Variants in ITGA8 observed in about 807,000 individuals in gnomAD.
ITGA8 encodes integrin alpha-8.
Under a neutral mutation model 142.3 loss-of-function variants are expected in ITGA8, and 91 were observed. The observed-to-expected ratio is 0.64, with a 90% CI of 0.54 to 0.76. ITGA8 has a LOEUF of 0.76. ITGA8 is among the 30% of genes least tolerant of loss of function. The pLI is 0.00. For synonymous variants in ITGA8, 505 were observed against 485.2 expected (o/e 1.04, Z -0.54); for missense variants, 1,406 against 1,327.7 (o/e 1.06, Z -0.92).
chr10:15,645,917 A>G (rs1179274403), intron 12 of ITGA8, among the ~76,000 whole-genome samples: 1 of 152,230 alleles, frequency 6.6e-6, no homozygotes, highest in Non-Finnish European at 1.5e-5. Context: ...CGAGTTTAAC[A>G]CTACTTTGTT....
In ITGA8 at chr10:15,606,282, T is replaced by G; in HGVS notation, c.1902+3A>C. On this transcript the variant is annotated splice_donor_region_variant and intron_variant, in intron 18 of 29. Transcript: ENST00000378076. ...ATGCCGTCAAAGACTGTGAAGGACT[T>G]ACCTGTTCACTAACAATGTTTTCTC... The G allele has an allele frequency of 1.2e-6, 2 of 1,601,758 alleles. No homozygotes were observed. The highest frequency in any genetic ancestry group is 1.7e-6 in the Non-Finnish European group (2 of 1,170,146).
At chr10:15,688,156 C>CA (rs1834867000) in intron 2 of ITGA8, 118 bp from the exon 3 acceptor site, 3 of 707,902 alleles carry the variant, frequency 4.2e-6, no homozygotes, top group South Asian at 3.5e-5. Flanking sequence ...CAAACTCCTC[C>CA]AAAAAAATTG....
Position 15,719,915 on chromosome 10 carries a change from C to T in ITGA8, c.-144G>A, listed in dbSNP as rs1225007317. On this transcript the variant is annotated 5_prime_UTR_variant, in exon 1 of 30. Coordinates refer to ENST00000378076, the MANE Select transcript of ITGA8 (RefSeq NM_003638.3). ...TCGGCGCACCCGTGGTGACAGTGCC[C>T]GGCGTCTGCTCCCACCCGCCCGCCC... 8 of 594,736 alleles carry T rather than the reference C, an allele frequency of 1.3e-5. No individual in the cohort carries two copies. Among genetic ancestry groups the T allele is most frequent in the East Asian group, 1.0e-4 (3 of 28,578 alleles). 36.8% of individuals were successfully genotyped at this position (594,736 alleles called of 1,614,324 possible).
chr10:15,577,776 G>C (rs1291877979), intron 23 of ITGA8, among the ~76,000 whole-genome samples: 1 of 152,034 alleles, frequency 6.6e-6, no homozygotes, highest in Admixed American at 6.5e-5. Context: ...AATTTGCCTA[G>C]GATAAACAGC....
At chr10:15,640,219 G>A (rs1000732760) in intron 13 of ITGA8, among the ~76,000 whole-genome samples, 2 of 152,168 alleles carry the variant, frequency 1.3e-5, no homozygotes, top group Non-Finnish European at 2.9e-5. Context: ...TCCCCTCTAC[G>A]GCCCGTGTTC....
At chr10:15,708,356 A>G (rs1462922451) in intron 2 of ITGA8, among the ~76,000 whole-genome samples, 1 of 152,196 alleles carries the variant, frequency 6.6e-6, no homozygotes, top group Non-Finnish European at 1.5e-5. Flanking sequence ...ATAATCTATC[A>G]CAGGAATAGA....
rs1313017469 is a variant in ITGA8 at position 15,599,203 on chromosome 10, C to G, written c.2119-1904G>C. Among the ~76,000 whole-genome samples, 4 of 152,128 alleles carry G rather than the reference C, an allele frequency of 2.6e-5. No individual in the cohort carries two copies. The East Asian group carries it at 7.7e-4, about 29-fold the overall frequency. On this transcript the variant is annotated intron_variant, in intron 20 of 29. Transcript: ENST00000378076. ...GTTTTTTCTCCCTTTCACATCCCCT[C>G]CACCCTTTTTCTTTTTTTAGGCATT...
chr10:15,552,704 G>A (rs111499524), intron 26 of ITGA8, among the ~76,000 whole-genome samples: 19,961 of 152,060 alleles, frequency 0.13, 1,449 homozygotes, highest in Middle Eastern at 0.18. Context: ...CCCCGGGCAG[G>A]CCCCGGTGTG....
rs367925371 is a variant in ITGA8, at chr10:15,633,484, C to A, written c.1399+10546G>T. 2.8e-4 allele frequency among the ~76,000 whole-genome samples: 43 copies of A among 152,136 alleles called. 1 individual carries two copies. The South Asian group carries it at 8.7e-3, about 31-fold the overall frequency. ...TCTTGCTCTGTCACCCAGGCTGGAG[C>A]GCAGCAGCACACAATCTCAGCTCAC... On this transcript the variant is annotated intron_variant, in intron 13 of 29. Coordinates refer to ENST00000378076, the MANE Select transcript of ITGA8 (RefSeq NM_003638.3).
chr10:15,693,839 A>G (rs1264140860), intron 2 of ITGA8, among the ~76,000 whole-genome samples: 5 of 152,164 alleles, frequency 3.3e-5, no homozygotes, highest in Admixed American at 3.3e-4. Flanking sequence ...ATAAACAGAA[A>G]TCTTGTAGCA....
At chr10:15,607,096 C>G (rs745929932) in intron 17 of ITGA8, among the ~76,000 whole-genome samples, 11 of 152,122 alleles carry the variant, frequency 7.2e-5, no homozygotes, top group Non-Finnish European at 1.5e-4. Flanking sequence ...TCCTTGCTAA[C>G]TAAGTCCCCT....
intron 11 of ITGA8, among the ~76,000 whole-genome samples, chr10:15,649,757 C>T (rs1417951162): frequency 1.3e-5 from 2 of 152,100 alleles, no homozygotes; most frequent in Non-Finnish European, 2.9e-5. Flanking sequence ...GATACCACTA[C>T]ACATCTCTTA....
At chr10:15,692,692 A>G (rs571248450) in intron 2 of ITGA8, among the ~76,000 whole-genome samples, 1 of 152,322 alleles carries the variant, frequency 6.6e-6, no homozygotes, top group South Asian at 2.1e-4. Context: ...AATTGTACAT[A>G]CACTTTGCAG....
At position 15,561,852 on chromosome 10, in the gene ITGA8, T is replaced by C. The variant is rs541504152; in HGVS notation, c.2638-3650A>G. Among the ~76,000 whole-genome samples the C allele has an allele frequency of 5.0e-4, 76 of 152,172 alleles. No individual in the cohort carries two copies. The Middle Eastern group carries it at 0.014, about 27-fold the overall frequency. ...CTGGGTAATTTATAAAGGAAAGAGG[T>C]TTAATTGACTCACAGTTCTCCCTGG... On this transcript the variant is annotated intron_variant, in intron 25 of 29. Coordinates refer to ENST00000378076, the MANE Select transcript of ITGA8 (RefSeq NM_003638.3).
chr10:15,573,862 G>A (rs1030725746), intron 24 of ITGA8, among the ~76,000 whole-genome samples: 1 of 151,630 alleles, frequency 6.6e-6, no homozygotes, highest in Non-Finnish European at 1.5e-5. Context: ...TTTACTGCTA[G>A]CATTGACTTT....
At chr10:15,664,573 T>C (rs971271050) in intron 8 of ITGA8, among the ~76,000 whole-genome samples, 1 of 151,896 alleles carries the variant, frequency 6.6e-6, no homozygotes, top group Non-Finnish European at 1.5e-5. Flanking sequence ...TGTGCAGGTT[T>C]GTTACATATG....
intron 23 of ITGA8, among the ~76,000 whole-genome samples, chr10:15,577,463 G>A (rs1336757047): frequency 6.6e-6 from 1 of 152,090 alleles, no homozygotes; most frequent in Admixed American, 6.5e-5. Context: ...CTCCTAAGCT[G>A]CAGTGGTATT....
chr10:15,620,009 A>C (rs11253579), intron 13 of ITGA8, among the ~76,000 whole-genome samples: 33,864 of 152,260 alleles, frequency 0.22, 4,005 homozygotes, highest in Admixed American at 0.32. Context: ...AAAGAAAATA[A>C]GACTGTAAGC....
In ITGA8 at chr10:15,664,190, C is replaced by G. The variant is rs144031536; in HGVS notation, c.848-3268G>C. On this transcript the variant is annotated intron_variant, in intron 8 of 29. Coordinates refer to ENST00000378076, the MANE Select transcript of ITGA8 (RefSeq NM_003638.3). ...TTGGAGGCACTAAGATGCTTGGTAA[C>G]TTGTCCAAGGTCACAGAGATAGTAA... is the stretch of plus-strand genomic sequence containing the variant. Among the ~76,000 whole-genome samples, 7 of 152,292 alleles carry G rather than the reference C, an allele frequency of 4.6e-5. No individual in the cohort carries two copies. In the East Asian group the frequency reaches 1.4e-3, roughly 29 times the overall value.
Sources: gnomAD v4.1 joint callset for allele counts (sites outside exome capture counted in the v4.1 genomes callset) on GRCh38, gnomAD v4.1.1 for gene constraint, MANE v1.5 for transcripts, NCBI Gene and HGNC (gene_info 2026-07-23, HGNC 2026-07-21) for gene names.